The following NOVA1 variants were observed in gnomAD, a reference collection of about 807,000 sequenced individuals.
The protein encoded by NOVA1 is NOVA alternative splicing regulator 1, also known as RNA-binding protein Nova-1.
Under a neutral mutation model 38.0 loss-of-function variants are expected in NOVA1, and 7 were observed. The observed-to-expected ratio is 0.18, with a 90% CI of 0.10 to 0.35. The LOEUF is 0.35. Among genes scored for constraint, NOVA1 ranks in the 10% least tolerant of loss-of-function variants. The pLI is 1.00. For missense variants in NOVA1, 460 were observed against 616.0 expected (o/e 0.75, Z 2.68); for synonymous variants, 270 against 232.5 (o/e 1.16, Z -1.47).
chr14:26,505,301 C>A (rs1486045235), intron 2 of NOVA1, among the ~76,000 whole-genome samples: 1 of 152,002 alleles, frequency 6.6e-6, no homozygotes, highest in Non-Finnish European at 1.5e-5. Context: ...AGAGGAGGGA[C>A]CTCATGGGAG....
chr14:26,541,356 A>C (rs560427083), intron 2 of NOVA1, among the ~76,000 whole-genome samples: 11 of 151,872 alleles, frequency 7.2e-5, no homozygotes, highest in African/African-American at 2.7e-4. Flanking sequence ...ATATGAAAAA[A>C]TTTACAGTTA....
intron 1 of NOVA1, 95 bp downstream of exon 1, chr14:26,597,206 G>A: frequency 8.9e-7 from 1 of 1,128,806 alleles, no homozygotes; most frequent in Non-Finnish European, 1.1e-6. Context: ...GCCGCGGGAG[G>A]GAGGGAGGGA....
chr14:26,553,872 C>A (rs1891316011), intron 2 of NOVA1, among the ~76,000 whole-genome samples: 1 of 152,016 alleles, frequency 6.6e-6, no homozygotes, highest in Admixed American at 6.6e-5. Context: ...CTAGGCCGGG[C>A]CAGGTGGCTC....
intron 2 of NOVA1, among the ~76,000 whole-genome samples, chr14:26,481,628 A>G (rs955814164): frequency 5.9e-5 from 9 of 152,140 alleles, no homozygotes; most frequent in Non-Finnish European, 1.2e-4. Context: ...TAGACCATGT[A>G]TATGGCTTTC....
At chr14:26,490,458 C>A (rs1209130863) in intron 2 of NOVA1, among the ~76,000 whole-genome samples, 1 of 151,872 alleles carries the variant, frequency 6.6e-6, no homozygotes, top group Non-Finnish European at 1.5e-5. Flanking sequence ...ACATCCCCAA[C>A]AACAGTGTAA....
At chr14:26,497,794 G>C (rs984493769) in intron 2 of NOVA1, among the ~76,000 whole-genome samples, 1 of 151,986 alleles carries the variant, frequency 6.6e-6, no homozygotes, top group African/African-American at 2.4e-5. Context: ...CTTAGTCACC[G>C]TAATAAAAAA....
intron 2 of NOVA1, among the ~76,000 whole-genome samples, chr14:26,548,029 C>A (rs1433377879): frequency 5.9e-5 from 9 of 151,972 alleles, no homozygotes; most frequent in Non-Finnish European, 5.9e-5. Context: ...AAGAACTGTG[C>A]TGTATTGTCC....
chr14:26,596,754 C>T, intron 1 of NOVA1: 2 of 1,256,804 alleles, frequency 1.6e-6, no homozygotes, highest in South Asian at 1.3e-5. Flanking sequence ...ATATTTGCAC[C>T]GACAATCTAA....
Position 26,597,406 on chromosome 14 carries a change from C to G in NOVA1, c.31G>C (p.Gly11Arg). 7.8e-7 allele frequency: 1 copy of G among 1,284,886 alleles called. No individual in the cohort carries two copies. Among genetic ancestry groups the G allele is most frequent in the Non-Finnish European group, 9.9e-7 (1 of 1,008,146 alleles). The allele number at this position is 1,284,886 out of a possible 1,614,324, so 79.6% of individuals were successfully genotyped here. The change falls in exon 1 of 5, where the codon GGG becomes CGG. Residue 11 changes from glycine (G) to arginine (R), a missense_variant. Physicochemically the swap from Gly to Arg is moderately radical, Grantham distance 125. Transcript: ENST00000539517. ...TCTATGGGAACCCCAGTGTGGGTCC[C>G]GTTCTGCTGGATGGGAGCTGCCGCC... is the stretch of plus-strand genomic sequence containing the variant. MMAAAPIQQN[G>R]THTGVPIDLD...
intron 2 of NOVA1, among the ~76,000 whole-genome samples, chr14:26,578,993 A>G (rs1046592811): frequency 2.6e-5 from 4 of 151,366 alleles, no homozygotes; most frequent in East Asian, 3.9e-4. Context: ...CTGGAATTAA[A>G]TGGTCTTTAA....
chr14:26,516,269 C>A (rs1273159278), intron 2 of NOVA1, among the ~76,000 whole-genome samples: 2 of 152,098 alleles, frequency 1.3e-5, no homozygotes, highest in African/African-American at 2.4e-5. Flanking sequence ...TGAAGGCATT[C>A]TATGCATACT....
chr14:26,482,584 T>C (rs1254967330), intron 2 of NOVA1, among the ~76,000 whole-genome samples: 1 of 152,202 alleles, frequency 6.6e-6, no homozygotes. Flanking sequence ...TATCATTTTA[T>C]TTAACAGTAG....
chr14:26,502,426 A>AC (rs1274440042), intron 2 of NOVA1, among the ~76,000 whole-genome samples: 1 of 151,848 alleles, frequency 6.6e-6, no homozygotes, highest in Non-Finnish European at 1.5e-5. Context: ...TCCATTTTTT[A>AC]CTGTTTTTCA....
intron 2 of NOVA1, among the ~76,000 whole-genome samples, chr14:26,484,278 C>CAA (rs5807364): frequency 1.3e-5 from 2 of 148,666 alleles, no homozygotes; most frequent in African/African-American, 4.9e-5. Context: ...ACTAAAAATA[C>CAA]AAAAAAAAAT....
chr14:26,448,335 A>G lies in NOVA1; in HGVS notation c.1148T>C (p.Phe383Ser). 1 of 1,611,870 alleles carries G rather than the reference A, an allele frequency of 6.2e-7. No individual in the cohort carries two copies. The highest frequency in any genetic ancestry group is 8.5e-7 in the Non-Finnish European group (1 of 1,179,298). The change falls in exon 5 of 5, where the codon TTT becomes TCT. Residue 383 changes from phenylalanine (F) to serine (S), a missense_variant. Coordinates refer to ENST00000539517, the MANE Select transcript of NOVA1 (RefSeq NM_002515.3). The surrounding 1 kb of genome is among the most constrained non-coding windows in gnomAD (Gnocchi z 5.3). ...GSTAGGTAGT[F>S]ALGSLAAATA... ...AGCAGCAGCCAGGCTACCTAATGCA[A>G]ATGTCCCCGCCGTACCACCAGCTGT...
At position 26,448,775 on chromosome 14, in the gene NOVA1, A is replaced by G. The variant is rs1423147439; in HGVS notation, c.708T>C (p.Leu236=). 3 of 1,614,108 alleles carry G rather than the reference A, an allele frequency of 1.9e-6. No individual in the cohort carries two copies. The highest frequency in any genetic ancestry group is 2.5e-6 in the Non-Finnish European group (3 of 1,180,012). ...GATCCTCTTGTATCTTCTGGATGAT[A>G]AGTTCAACAGCTTTTCGGTTTTGTT... ...EPEQNRKAVE[L]IIQKIQEDPQ... The change falls in exon 5 of 5, where the codon CTT becomes CTC. Residue 236 remains leucine, a synonymous_variant. Transcript: ENST00000539517. The surrounding 1 kb of genome is among the most constrained non-coding windows in gnomAD (Gnocchi z 5.3).
At chr14:26,482,397 T>C (rs1299955816) in intron 2 of NOVA1, among the ~76,000 whole-genome samples, 2 of 152,106 alleles carry the variant, frequency 1.3e-5, no homozygotes, top group African/African-American at 2.4e-5. Context: ...TTATGGCCTT[T>C]TCACTCAGAA....
chr14:26,590,044 G>C (rs867270072), intron 2 of NOVA1, among the ~76,000 whole-genome samples: 2 of 151,832 alleles, frequency 1.3e-5, no homozygotes, highest in Admixed American at 6.6e-5. Context: ...CACTGTTGCA[G>C]TTCCCACCAG....
chr14:26,525,995 T>TTTAGC (rs1010757035), intron 2 of NOVA1, among the ~76,000 whole-genome samples: 68 of 152,218 alleles, frequency 4.5e-4, no homozygotes, highest in African/African-American at 1.6e-3. Context: ...ACCTGGTAGT[T>TTTAGC]TTAGCTTATG....
Sources: gnomAD v4.1 joint callset for allele counts (sites outside exome capture counted in the v4.1 genomes callset) on GRCh38, gnomAD v4.1.1 for gene constraint, Gnocchi (gnomAD v3.1) non-coding constraint, MANE v1.5 for transcripts, NCBI Gene and HGNC (gene_info 2026-07-23, HGNC 2026-07-21) for gene names.